Variants in PTPN21 observed in about 807,000 individuals in gnomAD.
PTPN21 encodes tyrosine-protein phosphatase non-receptor type 21.
PTPN21 carries 77 observed loss-of-function variants against 131.8 expected under a neutral mutation model. The observed-to-expected ratio is 0.58, with a 90% CI of 0.49 to 0.71. The LOEUF (loss-of-function observed/expected upper bound fraction) is 0.71. PTPN21 is among the 30% of genes least tolerant of loss of function. The pLI is 0.00. For synonymous variants in PTPN21, 715 were observed against 621.3 expected (o/e 1.15, Z -2.24); for missense variants, 1,552 against 1,527.1 (o/e 1.02, Z -0.27).
chr14:88,496,436 A>C lies in PTPN21; in HGVS notation c.909T>G (p.Phe303Leu). ...ACAGGTTACACTGGTTTAGTCTGTA[A>C]AACTTGTGTCGCGCAACACAGAGTC... The part of the protein sequence containing the change: ...IWRLCVARHK[F>L]YRLNQCNLQT... The change falls in exon 10 of 19, where the codon TTT becomes TTG. Residue 303 changes from phenylalanine to leucine, a missense_variant. Phe to Leu is a conservative substitution (Grantham distance 22, BLOSUM62 0). Coordinates refer to ENST00000556564, the MANE Select transcript of PTPN21 (RefSeq NM_007039.4). The C allele has an allele frequency of 1.2e-6, 2 of 1,613,858 alleles. No homozygotes were observed. The highest frequency in any genetic ancestry group is 1.7e-6 in the Non-Finnish European group (2 of 1,179,792).
At chr14:88,501,253 A>G (rs1280287735) in intron 7 of PTPN21, 28 bp downstream of exon 7, 1 of 1,563,112 alleles carries the variant, frequency 6.4e-7, no homozygotes, top group Middle Eastern at 1.7e-4. Context: ...CTAACTTTAA[A>G]GAGCCCCAGC....
chr14:88,472,339 G>C lies in PTPN21; in HGVS notation c.2776C>G (p.Arg926Gly). The change falls in exon 15 of 19, where the codon CGA (arginine) becomes GGA (glycine). Residue 926 changes from arginine to glycine, a missense_variant. Physicochemically the swap from Arg to Gly is moderately radical, Grantham distance 125. Coordinates refer to ENST00000556564, the MANE Select transcript of PTPN21 (RefSeq NM_007039.4). Reference sequence around the variant, plus strand: ...TCATAAGGAAGAACATCTTGGAATCGATTTCTTTCTGCATTTTCAGGGAGT... The same window carrying C: ...TCATAAGGAAGAACATCTTGGAATCCATTTCTTTCTGCATTTTCAGGGAGT... ...ARLPENAERN[R>G]FQDVLPYDDV... 1 of 1,613,618 alleles carries C rather than the reference G, an allele frequency of 6.2e-7. No homozygotes were observed. Among genetic ancestry groups the C allele is most frequent in the Non-Finnish European group, 8.5e-7 (1 of 1,179,600 alleles).
At chr14:88,515,732 A>C (rs751164184) in intron 3 of PTPN21, among the ~76,000 whole-genome samples, 24 of 152,158 alleles carry the variant, frequency 1.6e-4, no homozygotes, top group Non-Finnish European at 3.1e-4. Flanking sequence ...TTATCATAGG[A>C]TACTGTAACT....
chr14:88,472,117 A>G (rs2077480540), intron 15 of PTPN21, 127 bp downstream of exon 15: 3 of 642,554 alleles, frequency 4.7e-6, no homozygotes, highest in Admixed American at 2.9e-5. Context: ...GTGTTTATCT[A>G]AAACAATACA....
At chr14:88,554,392 G>T (rs1478965432) in intron 1 of PTPN21, among the ~76,000 whole-genome samples, 2 of 152,140 alleles carry the variant, frequency 1.3e-5, no homozygotes, top group African/African-American at 4.8e-5. Context: ...CCCTGATCCA[G>T]AATTAACCCG....
At chr14:88,490,576 AG>A (rs1234111932) in intron 10 of PTPN21, among the ~76,000 whole-genome samples, 2 of 152,136 alleles carry the variant, frequency 1.3e-5, no homozygotes, top group African/African-American at 4.8e-5. Flanking sequence ...ATCTTCTTCC[AG>A]ACTTCCTATA....
chr14:88,537,798 AC>A (rs2078651485), intron 2 of PTPN21, among the ~76,000 whole-genome samples: 1 of 152,162 alleles, frequency 6.6e-6, no homozygotes, highest in African/African-American at 2.4e-5. Context: ...ACTTACACAA[AC>A]CTAAATGGTA....
In PTPN21 at chr14:88,469,969, C is replaced by A; in HGVS notation, c.2953G>T (p.Val985Leu). The A allele has an allele frequency of 1.2e-6, 2 of 1,614,100 alleles. No homozygotes were observed. The highest frequency in any genetic ancestry group is 1.1e-5 in the South Asian group (1 of 91,074). Residue 985 changes from valine to leucine, a missense_variant, in exon 16 of 19, where the codon GTA (valine) becomes TTA (leucine). Transcript: ENST00000556564. The surrounding 1 kb of genome is among the most constrained non-coding windows in gnomAD (Gnocchi z 4.3). ...ATAATTGCAATTCCCTGTTCCCATA[C>A]CATCTGCCAAAAATCTTGACAGGTA... ...QNTCQDFWQM[V>L]WEQGIAIIAM...
chr14:88,487,643 G>A (rs1184925369), intron 10 of PTPN21, among the ~76,000 whole-genome samples: 1 of 151,872 alleles, frequency 6.6e-6, no homozygotes, highest in Non-Finnish European at 1.5e-5. Context: ...AAAGTATTCA[G>A]GCTGTTAATG....
At chr14:88,481,732 G>A (rs2077655520) in intron 12 of PTPN21, among the ~76,000 whole-genome samples, 1 of 152,180 alleles carries the variant, frequency 6.6e-6, no homozygotes, top group East Asian at 1.9e-4. Flanking sequence ...CACCTCACAA[G>A]ATATGGCAGT....
intron 2 of PTPN21, among the ~76,000 whole-genome samples, chr14:88,535,700 A>G (rs2078621052): frequency 6.6e-6 from 1 of 152,214 alleles, no homozygotes; most frequent in African/African-American, 2.4e-5. Flanking sequence ...TGAAAATATC[A>G]CTATTCAAAT....
At chr14:88,506,692 C>T (rs1357414488) in intron 4 of PTPN21, among the ~76,000 whole-genome samples, 1 of 152,082 alleles carries the variant, frequency 6.6e-6, no homozygotes, top group African/African-American at 2.4e-5. Flanking sequence ...GTACAGGGTA[C>T]ACTGCTCAGG....
intron 12 of PTPN21, among the ~76,000 whole-genome samples, chr14:88,483,527 AG>A (rs2140105022): frequency 6.6e-6 from 1 of 152,248 alleles, no homozygotes; most frequent in African/African-American, 2.4e-5. Context: ...CTTTTACACC[AG>A]GGCCGACACA....
At chr14:88,554,132 A>C (rs2078897120) in intron 1 of PTPN21, among the ~76,000 whole-genome samples, 1 of 152,234 alleles carries the variant, frequency 6.6e-6, no homozygotes, top group Non-Finnish European at 1.5e-5. Flanking sequence ...TATTAGTATA[A>C]GGCTTTCTCA....
rs189359892 is a variant in PTPN21, at chr14:88,481,825, G to A, written c.1079-1473C>T. Among the ~76,000 whole-genome samples, 84 of 152,302 alleles carry A rather than the reference G, an allele frequency of 5.5e-4. 2 individuals carry two copies. In the East Asian group the frequency reaches 0.014, roughly 25 times the overall value. ...GAGGTCTCTCCACCTCTCAGAGCAC[G>A]CAGGGTTACCCCTCCTCACCCCTTG... On this transcript the variant is annotated intron_variant, in intron 12 of 18. Coordinates refer to ENST00000556564, the MANE Select transcript of PTPN21 (RefSeq NM_007039.4).
In PTPN21 at chr14:88,480,172, C is replaced by A; in HGVS notation, c.1259G>T (p.Ser420Ile). Residue 420 changes from serine to isoleucine, a missense_variant, in exon 13 of 19, where the codon AGC (serine) becomes ATC (isoleucine). This residue lies in a region of PTPN21 where 1,016 missense variants were observed against 883.5 expected (regional missense o/e 1.15). Transcript: ENST00000556564. ...LQPSPMSSNPSITGSDVMRPD... is the reference protein window; with the variant it reads ...LQPSPMSSNPIITGSDVMRPD... ...CCTCATGACGTCACTCCCGGTGATG[C>A]TAGGGTTGGACGACATCGGCGAGGG... 1 of 1,614,018 alleles carries A rather than the reference C, an allele frequency of 6.2e-7. No homozygotes were observed. The highest frequency in any genetic ancestry group is 8.5e-7 in the Non-Finnish European group (1 of 1,179,956).
At chr14:88,524,521 A>C (rs2078445994) in intron 2 of PTPN21, among the ~76,000 whole-genome samples, 1 of 152,364 alleles carries the variant, frequency 6.6e-6, no homozygotes, top group South Asian at 2.1e-4. Context: ...ACATTAGGGT[A>C]AATCTCTGTG....
chr14:88,528,863 G>A (rs767726842), intron 2 of PTPN21, among the ~76,000 whole-genome samples: 8 of 152,102 alleles, frequency 5.3e-5, no homozygotes, highest in Non-Finnish European at 7.4e-5. Flanking sequence ...TTCATTTATC[G>A]ATCTAGGAGC....
At chr14:88,537,736 G>A (rs1334868271) in intron 2 of PTPN21, among the ~76,000 whole-genome samples, 3 of 152,176 alleles carry the variant, frequency 2.0e-5, no homozygotes, top group South Asian at 2.1e-4. Flanking sequence ...GTCCCTTAAC[G>A]ATGTGGGAAT....
Sources: allele counts gnomAD v4.1 joint callset (sites outside exome capture counted in the v4.1 genomes callset), GRCh38; gene constraint gnomAD v4.1.1; regional missense constraint gnomAD v4.1.1; non-coding constraint Gnocchi (gnomAD v3.1); transcripts MANE v1.5; gene names NCBI Gene and HGNC (gene_info 2026-07-23, HGNC 2026-07-21).